The following COL6A2 variants were observed in gnomAD, a reference collection of about 807,000 sequenced individuals.
The protein encoded by COL6A2 is collagen type VI alpha 2 chain.
COL6A2 carries 90 observed loss-of-function variants against 124.9 expected under a neutral mutation model. The observed-to-expected ratio is 0.72, with a 90% CI of 0.61 to 0.86. The LOEUF is 0.86. COL6A2 is among the 40% of genes least tolerant of loss of function. COL6A2 has a pLI of 0.00. For missense variants in COL6A2, 1,607 were observed against 1,502.5 expected, an observed-to-expected ratio of 1.07 and a Z score of -1.15; for synonymous variants, 793 against 618.2, an observed-to-expected ratio of 1.28 and a Z score of -4.19.
Position 46,116,578 on chromosome 21 carries a change from G to GC in COL6A2, c.928-67dup. The stretch of plus-strand genomic sequence containing the variant: ...GCCTTGAGTTTGGCCCAAGGGCTTT[G>GC]CCCCCCAGAGGCAGCAGTGCCCATG... On this transcript the variant is annotated intron_variant, in intron 8 of 27. Transcript: ENST00000300527. This position sits in a 1 kb window ranked among gnomAD's most constrained non-coding sequence, Gnocchi z 4.6. 2.5e-6 allele frequency: 4 copies of GC among 1,607,130 alleles called. No homozygotes were observed. The South Asian group carries it at 3.3e-5, about 13-fold the overall frequency.
chr21:46,114,230 T>A (rs545127222), intron 5 of COL6A2, among the ~76,000 whole-genome samples, 157 bp downstream of exon 5: 12 of 151,918 alleles, frequency 7.9e-5, no homozygotes, highest in Non-Finnish European at 1.8e-4. Context: ...ATCGAGACCA[T>A]CCTGGCTAAC....
Position 46,125,623 on chromosome 21 carries a change from C to CGGGGCA in COL6A2, c.1969+12_1969+17dup, listed in dbSNP as rs760398644. ...GGACCCCAAGTCCGAGACAGGTCAG[C>CGGGGCA]GGGGCAGGGGCGGGTGCAGCATTGC... On this transcript the variant is annotated splice_region_variant and intron_variant, in intron 25 of 27. Coordinates refer to ENST00000300527, the MANE Select transcript of COL6A2 (RefSeq NM_001849.4). The CGGGGCA allele has an allele frequency of 1.0e-5, 10 of 990,420 alleles. No individual in the cohort carries two copies. The African/African-American group carries it at 1.5e-4, about 15-fold the overall frequency. The allele number at this position is 990,420 out of a possible 1,614,324, so 61.4% of individuals were successfully genotyped here.
rs745678446 is a variant in COL6A2, at chr21:46,116,776, C to T, written c.961C>T (p.Pro321Ser). 2.0e-5 allele frequency: 33 copies of T among 1,613,066 alleles called. 1 individual carries two copies. In the South Asian group the frequency reaches 3.4e-4, roughly 17 times the overall value. The change falls in exon 10 of 28, where the codon CCT becomes TCT. Residue 321 changes from proline (P) to serine (S), a missense_variant. Coordinates refer to ENST00000300527, the MANE Select transcript of COL6A2 (RefSeq NM_001849.4). The surrounding 1 kb of genome is among the most constrained non-coding windows in gnomAD (Gnocchi z 4.6). ...CTCTTCCTTCTCTCTTCAGGGGGCC[C>T]CTGGCCTGGCTGGCAAGAACGGGAC... Reference protein sequence around the residue: ...EFGADGRKGAPGLAGKNGTDG... With the variant: ...EFGADGRKGASGLAGKNGTDG...
At chr21:46,117,585 C>A in intron 11 of COL6A2, 132 bp downstream of exon 11, 1 of 948,976 alleles carries the variant, frequency 1.1e-6, no homozygotes, top group Non-Finnish European at 1.6e-6. Flanking sequence ...GCCCAGCAGC[C>A]CCAGCCCAGC....
rs145500808 is a variant in COL6A2 at position 46,114,058 on chromosome 21, C to T, written c.786C>T (p.Gly262=). The T allele has an allele frequency of 6.2e-7, 1 of 1,613,508 alleles. No individual in the cohort carries two copies. The highest frequency in any genetic ancestry group is 8.5e-7 in the Non-Finnish European group (1 of 1,179,710). ...LEIPGPSGPK[G]YRGQKGAKGN... ...TCCCTGGGCCCTCTGGCCCCAAGGG[C>T]TACCGTGGACAGAAGGTAAGATGCC... The change falls in exon 5 of 28, where the codon GGC becomes GGT. Residue 262 remains glycine (G), a synonymous_variant. Transcript: ENST00000300527.
Position 46,125,244 on chromosome 21 carries a change from C to T in COL6A2, c.1771-22C>T, listed in dbSNP as rs184405489. On this transcript the variant is annotated intron_variant, in intron 23 of 27. Coordinates refer to ENST00000300527, the MANE Select transcript of COL6A2 (RefSeq NM_001849.4). Reference sequence around the variant, plus strand: ...CTTCTGGGGCCCCGGGGGGACTACCCTGCCTGCCGTGTGCATTGCAGGAGT... The same window carrying T: ...CTTCTGGGGCCCCGGGGGGACTACCTTGCCTGCCGTGTGCATTGCAGGAGT... The T allele has an allele frequency of 6.1e-4, 979 of 1,610,700 alleles. 2 individuals are homozygous for T. The highest frequency in any genetic ancestry group is 5.7e-3 in the African/African-American group (431 of 75,026).
At position 46,125,885 on chromosome 21, in the gene COL6A2, T is replaced by G; in HGVS notation, c.2070T>G (p.Ala690=). ...RIDSLSSFKE[A]VKNLEWIAGG... Reference sequence around the variant, plus strand: ...ACTCCCTGTCGAGCTTCAAGGAGGCTGTCAAGAACCTCGAGTGGATTGCGG... The same window carrying G: ...ACTCCCTGTCGAGCTTCAAGGAGGCGGTCAAGAACCTCGAGTGGATTGCGG... Residue 690 remains alanine, a synonymous_variant, in exon 26 of 28, where the codon GCT becomes GCG. Transcript: ENST00000300527. 1 of 1,613,158 alleles carries G rather than the reference T, an allele frequency of 6.2e-7. No homozygotes were observed. The highest frequency in any genetic ancestry group is 8.5e-7 in the Non-Finnish European group (1 of 1,179,976).
At chr21:46,131,840 TG>T in intron 27 of COL6A2, 113 bp from the exon 28 acceptor site, 2 of 993,500 alleles carry the variant, frequency 2.0e-6, no homozygotes, top group Non-Finnish European at 3.0e-6. Context: ...CAGAGCCCAG[TG>T]GTCTGTGAGG....
chr21:46,105,520 CATT>C (rs1346244910), intron 1 of COL6A2, among the ~76,000 whole-genome samples: 1 of 152,156 alleles, frequency 6.6e-6, no homozygotes, highest in African/African-American at 2.4e-5. Flanking sequence ...TTAAAAATAA[CATT>C]ATGCTTTTGG....
At chr21:46,129,932 G>A (rs1377049402) in intron 27 of COL6A2, 14 of 776,426 alleles carry the variant, frequency 1.8e-5, no homozygotes, top group Non-Finnish European at 2.0e-5. Context: ...TGGGGCTGAG[G>A]GAGGGTGCTG....
Position 46,116,584 on chromosome 21 carries a change from C to A in COL6A2, c.928-67C>A, listed in dbSNP as rs1477459516. 9 of 1,607,316 alleles carry A rather than the reference C, an allele frequency of 5.6e-6. No individual in the cohort carries two copies. The highest frequency in any genetic ancestry group is 6.8e-6 in the Non-Finnish European group (8 of 1,175,506). The stretch of plus-strand genomic sequence containing the variant: ...AGTTTGGCCCAAGGGCTTTGCCCCC[C>A]AGAGGCAGCAGTGCCCATGATGCTT... On this transcript the variant is annotated intron_variant, in intron 8 of 27. Transcript: ENST00000300527. This position sits in a 1 kb window ranked among gnomAD's most constrained non-coding sequence, Gnocchi z 4.6.
intron 10 of COL6A2, 72 bp from the exon 11 acceptor site, chr21:46,117,328 G>C (rs2078487950): frequency 3.2e-5 from 47 of 1,478,356 alleles, no homozygotes; most frequent in Non-Finnish European, 4.2e-5. Context: ...CGGGTGGGCT[G>C]TGTCTTGGTC....
intron 12 of COL6A2, 126 bp from the exon 13 acceptor site, chr21:46,118,472 AGCATCTGGCATCCCAG>A: frequency 1.3e-6 from 1 of 756,966 alleles, no homozygotes. Flanking sequence ...GCCCCCAGCC[AGCATCTGGCATCCCAG>A]GTGCCCCGTG....
chr21:46,111,037 G>A (rs1488580672), intron 1 of COL6A2, among the ~76,000 whole-genome samples: 1 of 152,178 alleles, frequency 6.6e-6, no homozygotes, highest in East Asian at 1.9e-4. Flanking sequence ...GCCGGTCTGG[G>A]GAAGCTGGGA....
chr21:46,116,867 C>T lies in COL6A2; in HGVS notation c.999+53C>T, dbSNP rs1420080221. The stretch of plus-strand genomic sequence containing the variant: ...GACTGGTCTCACAGAGGCATCCCAG[C>T]CTCTGCAGGGCCCCCAGATCCAGCC... On this transcript the variant is annotated intron_variant, in intron 10 of 27. Coordinates refer to ENST00000300527, the MANE Select transcript of COL6A2 (RefSeq NM_001849.4). The surrounding 1 kb of genome is among the most constrained non-coding windows in gnomAD (Gnocchi z 4.6). The T allele has an allele frequency of 3.8e-6, 6 of 1,598,022 alleles. No individual in the cohort carries two copies. The highest frequency in any genetic ancestry group is 4.3e-6 in the Non-Finnish European group (5 of 1,167,242).
rs80122874 is a variant in COL6A2 at position 46,126,287 on chromosome 21, C to T, written c.2422+50C>T. Reference sequence around the variant, plus strand: ...CGGCCGAGGAGCAGCAGGCCCCAGCCGCTGTCTAGCGTGAGCCCCAGGGAC... The same window carrying T: ...CGGCCGAGGAGCAGCAGGCCCCAGCTGCTGTCTAGCGTGAGCCCCAGGGAC... On this transcript the variant is annotated intron_variant, in intron 26 of 27. Transcript: ENST00000300527. 2,798 of 1,581,876 alleles carry T rather than the reference C, an allele frequency of 1.8e-3. 35 individuals are homozygous for T. In the African/African-American group the frequency reaches 0.032, roughly 18 times the overall value.
rs2078630918 is a variant in COL6A2, at chr21:46,124,633, G to T, written c.1672-18G>T. On this transcript the variant is annotated intron_variant, in intron 21 of 27. Coordinates refer to ENST00000300527, the MANE Select transcript of COL6A2 (RefSeq NM_001849.4). ...TCCCTGGGGCCACTGAAGCCCACCT[G>T]TTCTTGTTCCTTCTCAGGCGGATCC... 6.2e-7 allele frequency: 1 copy of T among 1,612,648 alleles called. No individual in the cohort carries two copies. The highest frequency in any genetic ancestry group is 1.3e-5 in the African/African-American group (1 of 74,844).
At chr21:46,101,943 AC>A (rs2078292759) in intron 1 of COL6A2, among the ~76,000 whole-genome samples, 1 of 140,146 alleles carries the variant, frequency 7.1e-6, no homozygotes, top group African/African-American at 2.5e-5. Flanking sequence ...GAAAAAAAAA[AC>A]AATCACTGGG....
In COL6A2 at chr21:46,116,812, A is replaced by T; in HGVS notation, c.997A>T (p.Lys333Ter). Residue 333 changes from lysine to a stop codon, truncating the protein, a stop_gained and splice_region_variant, in exon 10 of 28, where the codon AAG becomes TAG. Coordinates refer to ENST00000300527, the MANE Select transcript of COL6A2 (RefSeq NM_001849.4). LOFTEE classifies it high-confidence loss of function. This position sits in a 1 kb window ranked among gnomAD's most constrained non-coding sequence, Gnocchi z 4.6. ...LAGKNGTDGQ[K>*]GKLGRIGPPG... is the part of the protein sequence containing the mutation. ...TGGCAAGAACGGGACCGATGGACAG[A>T]AGGTAGAGGGAGCCTCGGGCTCACA... 1 of 1,612,812 alleles carries T rather than the reference A, an allele frequency of 6.2e-7. No individual in the cohort carries two copies. The highest frequency in any genetic ancestry group is 1.1e-5 in the South Asian group (1 of 91,078).
Sources: allele counts gnomAD v4.1 joint callset (sites outside exome capture counted in the v4.1 genomes callset), GRCh38; gene constraint gnomAD v4.1.1; non-coding constraint Gnocchi (gnomAD v3.1); transcripts MANE v1.5; gene names NCBI Gene and HGNC (gene_info 2026-07-23, HGNC 2026-07-21).